FOSL1: variants seen among roughly 807,000 people sequenced by gnomAD.
The protein encoded by FOSL1 is FOS like 1, AP-1 transcription factor subunit.
Under a neutral mutation model 24.9 loss-of-function variants are expected in FOSL1, and 14 were observed. That is an observed-to-expected ratio of 0.56 (90% CI 0.37 to 0.88). FOSL1 has a LOEUF of 0.88. Ranked by LOEUF, FOSL1 falls within the 40% of genes least tolerant of loss-of-function variation. The pLI, the probability that FOSL1 is intolerant of heterozygous loss-of-function variation, is 0.00. For synonymous variants in FOSL1, 133 were observed against 145.1 expected (o/e 0.92, Z 0.60); for missense variants, 318 against 359.8 (o/e 0.88, Z 0.94).
intron 1 of FOSL1, 145 bp downstream of exon 1, chr11:65,900,096 G>T: frequency 4.8e-6 from 2 of 414,810 alleles, no homozygotes; most frequent in Non-Finnish European, 8.2e-6. Context: ...ACTGGCCCCG[G>T]ACGGCGAGGG....
rs1303938201 is a variant in FOSL1, at chr11:65,892,276, T to C, written c.*610A>G. On this transcript the variant is annotated 3_prime_UTR_variant, in exon 4 of 4. Coordinates refer to ENST00000312562, the MANE Select transcript of FOSL1 (RefSeq NM_005438.5). ...TAGGTTTGTATAAAAATACTCTCTT[T>C]AGGAAAATAAATAGCAGCTGCCCTC... 4.0e-6 allele frequency: 1 copy of C among 249,354 alleles called. No homozygotes were observed. The highest frequency in any genetic ancestry group is 1.2e-4 in the East Asian group (1 of 8,384). 15.4% of individuals were successfully genotyped at this position (249,354 alleles called of 1,614,324 possible). A position where few individuals can be genotyped will look rare whatever the true frequency, so the allele number is the denominator to read the frequency against.
Position 65,900,381 on chromosome 11 carries a change from T to A in FOSL1, c.-42A>T. 6.5e-6 allele frequency: 7 copies of A among 1,084,342 alleles called. No individual in the cohort carries two copies. The highest frequency in any genetic ancestry group is 8.2e-6 in the Non-Finnish European group (7 of 851,260). 67.2% of individuals were successfully genotyped at this position (1,084,342 alleles called of 1,614,324 possible). On this transcript the variant is annotated 5_prime_UTR_variant, in exon 1 of 4. Coordinates refer to ENST00000312562, the MANE Select transcript of FOSL1 (RefSeq NM_005438.5). The stretch of plus-strand genomic sequence containing the variant: ...TCTGCGGGGTACACGGCTGCTGGGT[T>A]CTGACTCACCCGCGCCGTGCGGAGT...
Position 65,896,789 on chromosome 11 carries a change from G to A in FOSL1, c.297+20C>T. On this transcript the variant is annotated intron_variant, in intron 2 of 3. Transcript: ENST00000312562. ...ACTCCTGGGCGGGGTCGGAACCACTGCAATGCCTCTGTGCCTTACCTGTTC... is the reference window on the plus strand; with the variant it reads ...ACTCCTGGGCGGGGTCGGAACCACTACAATGCCTCTGTGCCTTACCTGTTC... 1 of 1,572,352 alleles carries A rather than the reference G, an allele frequency of 6.4e-7. No homozygotes were observed. The highest frequency in any genetic ancestry group is 8.7e-7 in the Non-Finnish European group (1 of 1,155,198).
intron 3 of FOSL1, 22 bp from the exon 4 acceptor site, chr11:65,893,318 G>T: frequency 6.4e-7 from 1 of 1,573,602 alleles, no homozygotes. Flanking sequence ...CAGGAGAGGA[G>T]TCAGAAAGGT....
intron 1 of FOSL1, among the ~76,000 whole-genome samples, chr11:65,899,339 T>TCCCGGG (rs987273913): frequency 6.6e-6 from 1 of 151,996 alleles, no homozygotes; most frequent in African/African-American, 2.4e-5. Flanking sequence ...CATCTCCCAC[T>TCCCGGG]CCCGGGCCCG....
intron 1 of FOSL1, among the ~76,000 whole-genome samples, chr11:65,898,880 G>A (rs1446046797): frequency 6.7e-6 from 1 of 150,372 alleles, no homozygotes; most frequent in Non-Finnish European, 1.5e-5. Context: ...AGGATTGCTT[G>A]AGCCCAGGAG....
At chr11:65,897,319 T>G (rs1860552657) in intron 1 of FOSL1, among the ~76,000 whole-genome samples, 1 of 151,910 alleles carries the variant, frequency 6.6e-6, no homozygotes, top group African/African-American at 2.4e-5. Context: ...CAGTAATATC[T>G]TCATTTTCTT....
Position 65,896,897 on chromosome 11 carries a change from T to C in FOSL1, c.209A>G (p.Tyr70Cys), listed in dbSNP as rs1400496276. The change falls in exon 2 of 4, where the codon TAC (tyrosine) becomes TGC (cysteine). Residue 70 changes from tyrosine to cysteine, a missense_variant. Physicochemically the swap from Tyr to Cys is radical, Grantham distance 194 (BLOSUM62 -2). Transcript: ENST00000312562. Reference protein sequence around the residue: ...GPSSYPRPLTYPQYSPPQPRP... With the variant: ...GPSSYPRPLTCPQYSPPQPRP... ...GGGTTGTGGGGGGCTGTACTGAGGG[T>C]AGGTCAGAGGCCTGGGGTAACTGCT... 1 of 1,613,750 alleles carries C rather than the reference T, an allele frequency of 6.2e-7. No homozygotes were observed. The highest frequency in any genetic ancestry group is 8.5e-7 in the Non-Finnish European group (1 of 1,179,806).
chr11:65,896,709 AC>A (rs1336828500), intron 2 of FOSL1, 99 bp downstream of exon 2: 1 of 997,974 alleles, frequency 1.0e-6, no homozygotes, highest in Non-Finnish European at 1.5e-6. Context: ...AGCCTACCTT[AC>A]CCCCTCCTAA....
In FOSL1 at chr11:65,893,001, A is replaced by C. The variant is rs1176787519; in HGVS notation, c.701T>G (p.Val234Gly). 2 of 1,612,702 alleles carry C rather than the reference A, an allele frequency of 1.2e-6. No individual in the cohort carries two copies. The highest frequency in any genetic ancestry group is 1.7e-6 in the Non-Finnish European group (2 of 1,179,912). ...CTCAGGAGTGCTGGGGTAGGTGAAG[A>C]CCAGGCTGGGGGTGAAAGGAGTTAG... ...PSLTPFTPSL[V>G]FTYPSTPEPC... Residue 234 changes from valine (V) to glycine (G), a missense_variant, in exon 4 of 4, where the codon GTC becomes GGC. By Grantham distance (109) the Val-to-Gly change is moderately radical (BLOSUM62 -3). Coordinates refer to ENST00000312562, the MANE Select transcript of FOSL1 (RefSeq NM_005438.5).
At chr11:65,894,932 C>T (rs533444546) in intron 2 of FOSL1, among the ~76,000 whole-genome samples, 35 of 151,762 alleles carry the variant, frequency 2.3e-4, no homozygotes, top group Non-Finnish European at 4.1e-4. Context: ...GCTGGGATTA[C>T]AGGCATGAGC....
chr11:65,899,854 T>G (rs1400756311), intron 1 of FOSL1, among the ~76,000 whole-genome samples: 1 of 151,986 alleles, frequency 6.6e-6, no homozygotes, highest in African/African-American at 2.4e-5. Flanking sequence ...CAGCCCAGAC[T>G]CCAGATCCCA....
chr11:65,897,811 G>C (rs1031856368), intron 1 of FOSL1, among the ~76,000 whole-genome samples: 1 of 152,000 alleles, frequency 6.6e-6, no homozygotes, highest in African/African-American at 2.4e-5. Context: ...GCGACAGTCT[G>C]GTAAGTGGCA....
chr11:65,898,058 TGAGACACAGTCTTGC>T (rs1860576525), intron 1 of FOSL1, among the ~76,000 whole-genome samples: 7 of 144,508 alleles, frequency 4.8e-5, no homozygotes, highest in Admixed American at 7.0e-5. Flanking sequence ...TTTTTTTTTT[TGAGACACAGTCTTGC>T]TTTGTCACCC....
intron 2 of FOSL1, among the ~76,000 whole-genome samples, chr11:65,895,157 T>C (rs1376302817): frequency 1.5e-5 from 2 of 131,282 alleles, no homozygotes; most frequent in East Asian, 2.3e-4. Flanking sequence ...GGAGTCTCAC[T>C]CTGTTGCCCA....
Position 65,892,913 on chromosome 11 carries a change from A to G in FOSL1, c.789T>C (p.Leu263=), listed in dbSNP as rs1358583703. The G allele has an allele frequency of 3.7e-6, 6 of 1,611,960 alleles. No homozygotes were observed. Among genetic ancestry groups the G allele is most frequent in the Non-Finnish European group, 4.2e-6 (5 of 1,179,956 alleles). ...SSSGDPSSDP[L]GSPTLLAL ...ACAAAGCGAGGAGGGTTGGAGAGCC[A>G]AGGGGGTCAGAGGATGGGTCTCCGC... is the stretch of plus-strand genomic sequence containing the variant. Residue 263 remains leucine (L), a synonymous_variant, in exon 4 of 4, where the codon CTT becomes CTC. Transcript: ENST00000312562.
intron 2 of FOSL1, among the ~76,000 whole-genome samples, chr11:65,895,345 C>T (rs201836411): frequency 2.6e-5 from 4 of 151,646 alleles, no homozygotes; most frequent in African/African-American, 9.7e-5. Context: ...AGGATGGTCT[C>T]GATCTCCTGA....
chr11:65,894,159 A>T (rs1471857573), intron 2 of FOSL1, 38 bp from the exon 3 acceptor site: 2 of 1,487,230 alleles, frequency 1.3e-6, no homozygotes, highest in Admixed American at 3.6e-5. Flanking sequence ...ACCCTGGGCT[A>T]CTGGCTGCCT....
At chr11:65,898,005 C>T (rs1341727279) in intron 1 of FOSL1, among the ~76,000 whole-genome samples, 3 of 149,872 alleles carry the variant, frequency 2.0e-5, no homozygotes, top group Admixed American at 6.7e-5. Context: ...GGACTACCGA[C>T]GTGCACCACC....
Sources: gnomAD v4.1 joint callset for allele counts (sites outside exome capture counted in the v4.1 genomes callset) on GRCh38, gnomAD v4.1.1 for gene constraint, MANE v1.5 for transcripts, NCBI Gene and HGNC (gene_info 2026-07-23, HGNC 2026-07-21) for gene names.